The following ABHD12 variants were observed in gnomAD, a reference collection of about 807,000 sequenced individuals.
The protein encoded by ABHD12 is abhydrolase domain containing 12, lysophospholipase, also known as lysophosphatidylserine lipase ABHD12.
Under a neutral mutation model 58.3 loss-of-function variants are expected in ABHD12, and 43 were observed. That is an observed-to-expected ratio of 0.74 (90% CI 0.58 to 0.95). The LOEUF (loss-of-function observed/expected upper bound fraction) is 0.95. Among genes scored for constraint, ABHD12 ranks in the 40% least tolerant of loss-of-function variants. The probability of loss-of-function intolerance (pLI) is 0.00; values close to 1 mark genes in which losing one functional copy is unlikely to be tolerated. For missense variants in ABHD12, 539 were observed against 537.2 expected (o/e 1.00, Z -0.03); for synonymous variants, 219 against 211.2 (o/e 1.04, Z -0.32).
In ABHD12 at chr20:25,317,089, A is replaced by C; in HGVS notation, c.543-11T>G. ...CGGTGGTCGCCTCCTCTGGAGAAGA[A>C]AACAGGACATGGTGTGAGCACATCT... On this transcript the variant is annotated splice_polypyrimidine_tract_variant and intron_variant, in intron 4 of 12. Coordinates refer to ENST00000339157, the MANE Select transcript of ABHD12 (RefSeq NM_001042472.3). The C allele has an allele frequency of 6.2e-7, 1 of 1,609,716 alleles. No individual in the cohort carries two copies. The highest frequency in any genetic ancestry group is 8.5e-7 in the Non-Finnish European group (1 of 1,176,712).
chr20:25,325,857 G>A (rs973917707), intron 2 of ABHD12, among the ~76,000 whole-genome samples: 14 of 152,124 alleles, frequency 9.2e-5, no homozygotes, highest in Non-Finnish European at 2.1e-4. Context: ...GATCACCTGA[G>A]GTCAGGAGTT....
intron 1 of ABHD12, among the ~76,000 whole-genome samples, chr20:25,378,863 C>T (rs1409427337): frequency 1.3e-5 from 2 of 152,232 alleles, no homozygotes; most frequent in Admixed American, 6.5e-5. Context: ...GCCTTTCCCA[C>T]ACCAACACCC....
chr20:25,300,778 C>T lies in ABHD12; in HGVS notation c.*67G>A, dbSNP rs989928997. ...CCGGCCCCCCGGGGCTTCAGGATAC[C>T]GGGCTGCTGACTGGAGGAAAACGGG... On this transcript the variant is annotated 3_prime_UTR_variant, in exon 13 of 13. Transcript: ENST00000339157. The T allele has an allele frequency of 3.1e-5, 50 of 1,612,828 alleles. No homozygotes were observed. The South Asian group carries it at 4.5e-4, about 15-fold the overall frequency.
At position 25,362,952 on chromosome 20, in the gene ABHD12, C is replaced by T. The variant is rs1382816584; in HGVS notation, c.192-23601G>A. 4.6e-5 allele frequency among the ~76,000 whole-genome samples: 7 copies of T among 151,890 alleles called. No homozygotes were observed. The East Asian group carries it at 5.9e-4, about 13-fold the overall frequency. On this transcript the variant is annotated intron_variant, in intron 1 of 12. Transcript: ENST00000339157. ...CCTCCCAAAGTGCTGGGATTACAGG[C>T]GTGAACCACTGTGCCCAGCCTTTTA... is the stretch of plus-strand genomic sequence containing the variant.
In ABHD12 at chr20:25,300,402, CTG is replaced by C. The variant is rs1410331061; in HGVS notation, c.*441_*442del. The stretch of plus-strand genomic sequence containing the variant: ...AGGGCAGGAGGGGACGATGGAACCA[CTG>C]GAGTCATTCTGCATGTGCTGGGAAG... On this transcript the variant is annotated 3_prime_UTR_variant, in exon 13 of 13. Coordinates refer to ENST00000339157, the MANE Select transcript of ABHD12 (RefSeq NM_001042472.3). 2.6e-6 allele frequency: 3 copies of C among 1,136,008 alleles called. No homozygotes were observed. In the Admixed American group the frequency reaches 1.2e-4, roughly 46 times the overall value. The allele number at this position is 1,136,008 out of a possible 1,614,324, so 70.4% of individuals were successfully genotyped here. A position where few individuals can be genotyped will look rare whatever the true frequency, so the allele number is the denominator to read the frequency against.
chr20:25,339,088 T>C (rs963082350), intron 2 of ABHD12, 139 bp downstream of exon 2: 52 of 1,451,014 alleles, frequency 3.6e-5, no homozygotes, highest in Non-Finnish European at 4.6e-5. Context: ...GTATATAAAC[T>C]GTACACTTAA....
chr20:25,348,955 G>T (rs1341560260), intron 1 of ABHD12, among the ~76,000 whole-genome samples: 1 of 151,810 alleles, frequency 6.6e-6, no homozygotes, highest in Admixed American at 6.6e-5. Flanking sequence ...ATGGTGGCAG[G>T]CGCCTGTAGT....
chr20:25,296,556 T>C, downstream of ABHD12: 1 of 1,587,282 alleles, frequency 6.3e-7, no homozygotes, highest in Non-Finnish European at 8.6e-7. Context: ...AGCGGGCATT[T>C]GTTTTCTTGC....
At chr20:25,294,870 G>A (rs961146468) in exon 13 of ABHD12, 32 of 1,346,400 alleles carry the variant, frequency 2.4e-5, no homozygotes, top group Admixed American at 3.4e-5. Flanking sequence ...AGTTGAATCC[G>A]GCGAGGGCTG....
In ABHD12 at chr20:25,387,670, G is replaced by C. The variant is rs1272195854; in HGVS notation, c.191+2843C>G. On this transcript the variant is annotated intron_variant, in intron 1 of 12. Coordinates refer to ENST00000339157, the MANE Select transcript of ABHD12 (RefSeq NM_001042472.3). ...TGGGAGGATCGCCTGAGCCCAGGAG[G>C]TCTGGGCTGCAGTGGGCCATGATCA... Among the ~76,000 whole-genome samples the C allele has an allele frequency of 2.0e-5, 3 of 151,366 alleles. No homozygotes were observed. In the East Asian group the frequency reaches 5.8e-4, roughly 29 times the overall value.
At chr20:25,325,371 C>CA (rs1200469458) in intron 2 of ABHD12, among the ~76,000 whole-genome samples, 12 of 152,036 alleles carry the variant, frequency 7.9e-5, no homozygotes, top group Admixed American at 7.2e-4. Flanking sequence ...TTGTGCTCCC[C>CA]AAAAAAGACT....
At chr20:25,318,514 C>T (rs1368596600) in intron 4 of ABHD12, among the ~76,000 whole-genome samples, 4 of 152,064 alleles carry the variant, frequency 2.6e-5, no homozygotes, top group South Asian at 2.1e-4. Flanking sequence ...CGCAGACCAG[C>T]GAAACCCCAG....
chr20:25,386,617 C>G (rs115203688), intron 1 of ABHD12, among the ~76,000 whole-genome samples: 3 of 151,884 alleles, frequency 2.0e-5, no homozygotes, highest in African/African-American at 7.2e-5. Flanking sequence ...CGGTGGCTCA[C>G]GCCTTATAAT....
In ABHD12 at chr20:25,350,992, CA is replaced by C. The variant is rs2089592371; in HGVS notation, c.192-11642del. ...ACACACACACACACACACACACACA[CA>C]CACACACACACACACACCCTTATTA... is the stretch of plus-strand genomic sequence containing the variant. On this transcript the variant is annotated intron_variant, in intron 1 of 12. Coordinates refer to ENST00000339157, the MANE Select transcript of ABHD12 (RefSeq NM_001042472.3). Among the ~76,000 whole-genome samples the C allele has an allele frequency of 1.1e-4, 16 of 146,506 alleles. 1 individual carries two copies. The highest frequency in any genetic ancestry group is 1.6e-4 in the African/African-American group (6 of 37,968).
chr20:25,342,571 C>T (rs1000352298), intron 1 of ABHD12, among the ~76,000 whole-genome samples: 2 of 151,392 alleles, frequency 1.3e-5, no homozygotes, highest in Admixed American at 1.3e-4. Context: ...ATCTTTGGGT[C>T]AGTATTTTTT....
chr20:25,328,553 G>C (rs1278638943), intron 2 of ABHD12, among the ~76,000 whole-genome samples: 1 of 152,216 alleles, frequency 6.6e-6, no homozygotes, highest in Non-Finnish European at 1.5e-5. Context: ...TTCTGTGTCT[G>C]CAGAAGAATG....
At chr20:25,348,855 G>T (rs1005526482) in intron 1 of ABHD12, among the ~76,000 whole-genome samples, 2 of 152,038 alleles carry the variant, frequency 1.3e-5, no homozygotes, top group Non-Finnish European at 2.9e-5. Context: ...GGCCGAGATG[G>T]GCGGATCACG....
At chr20:25,352,910 G>A (rs1460211738) in intron 1 of ABHD12, among the ~76,000 whole-genome samples, 1 of 152,022 alleles carries the variant, frequency 6.6e-6, no homozygotes, top group Non-Finnish European at 1.5e-5. Context: ...GAGATGTGGT[G>A]GTGTGTACCC....
Position 25,306,828 on chromosome 20 carries a change from C to A in ABHD12, c.950+5G>T. Reference sequence around the variant, plus strand: ...GAAAATTAGTTCCTGTCCCATAATACTCACTTTTCATCATTTGCAAATTTA... The same window carrying A: ...GAAAATTAGTTCCTGTCCCATAATAATCACTTTTCATCATTTGCAAATTTA... On this transcript the variant is annotated splice_donor_5th_base_variant and intron_variant, in intron 10 of 12. Transcript: ENST00000339157. 1.3e-6 allele frequency: 2 copies of A among 1,597,726 alleles called. No homozygotes were observed. Among genetic ancestry groups the A allele is most frequent in the African/African-American group, 1.3e-5 (1 of 74,594 alleles).
Sources: gnomAD v4.1 joint callset for allele counts (sites outside exome capture counted in the v4.1 genomes callset) on GRCh38, gnomAD v4.1.1 for gene constraint, MANE v1.5 for transcripts, NCBI Gene and HGNC (gene_info 2026-07-23, HGNC 2026-07-21) for gene names.